Variants in DGKB observed in about 807,000 individuals in gnomAD.
DGKB encodes 90 kDa diacylglycerol kinase.
In DGKB, 67 loss-of-function variants were observed where a neutral mutation model predicts 114.3. The ratio of observed to expected loss-of-function variants is 0.59; its 90% CI spans 0.48 to 0.72. DGKB has a LOEUF of 0.72. Among genes scored for constraint, DGKB ranks in the 30% least tolerant of loss-of-function variants. DGKB has a pLI of 0.00. For missense variants in DGKB, 907 were observed against 975.2 expected (o/e 0.93, Z 0.93); for synonymous variants, 398 against 323.1 (o/e 1.23, Z -2.49).
intron 1 of DGKB, among the ~76,000 whole-genome samples, chr7:14,948,678 A>G (rs1359305481): frequency 1.3e-5 from 2 of 151,856 alleles, no homozygotes; most frequent in Non-Finnish European, 2.9e-5. Flanking sequence ...AGATATTTCC[A>G]ATCTACTACC....
chr7:14,673,161 G>T, intron 12 of DGKB, 134 bp from the exon 13 acceptor site: 1 of 563,842 alleles, frequency 1.8e-6, no homozygotes, highest in Non-Finnish European at 3.1e-6. Flanking sequence ...AATAAACAGA[G>T]TCATAAAGGA....
chr7:14,729,153 C>A (rs1235481384), intron 5 of DGKB, among the ~76,000 whole-genome samples: 1 of 116,632 alleles, frequency 8.6e-6, no homozygotes, highest in Non-Finnish European at 1.7e-5. Flanking sequence ...GATGGAGTCT[C>A]ACTCTGTTGC....
At chr7:14,162,908 CCCCTTTAT>C (rs749023828) in intron 25 of DGKB, among the ~76,000 whole-genome samples, 7 of 152,160 alleles carry the variant, frequency 4.6e-5, no homozygotes, top group Non-Finnish European at 8.8e-5. Context: ...TGATCCATTT[CCCCTTTAT>C]CCAGGTCGAT....
intron 14 of DGKB, among the ~76,000 whole-genome samples, chr7:14,626,694 C>G (rs552312891): frequency 6.6e-6 from 1 of 152,256 alleles, no homozygotes; most frequent in African/African-American, 2.4e-5. Flanking sequence ...ATGATGAAGG[C>G]TCTAAATCTA....
At position 14,206,708 on chromosome 7, in the gene DGKB, T is replaced by C. The variant is rs114717468; in HGVS notation, c.2123-28557A>G. On this transcript the variant is annotated intron_variant, in intron 23 of 25. Coordinates refer to ENST00000402815, the MANE Select transcript of DGKB (RefSeq NM_001350709.2). The stretch of plus-strand genomic sequence containing the variant: ...CTATACCCATAAAATAGGAATAGTG[T>C]CGTATATCCTGGTTGCCTCATTGGA... Among the ~76,000 whole-genome samples, 1,322 of 152,184 alleles carry C rather than the reference T, an allele frequency of 8.7e-3. 18 individuals are homozygous for C. Among genetic ancestry groups the C allele is most frequent in the African/African-American group, 0.031 (1,274 of 41,540 alleles).
intron 1 of DGKB, among the ~76,000 whole-genome samples, chr7:14,940,209 T>C (rs1186335348): frequency 1.3e-5 from 2 of 152,178 alleles, no homozygotes; most frequent in African/African-American, 4.8e-5. Context: ...TTATATGTAA[T>C]TATGAGTTGC....
intron 5 of DGKB, among the ~76,000 whole-genome samples, chr7:14,732,192 G>A (rs907633520): frequency 1.6e-5 from 1 of 61,240 alleles, no homozygotes; most frequent in Non-Finnish European, 4.2e-5. Flanking sequence ...TCAGTAGTGA[G>A]CATAATTTTT....
chr7:14,392,463 C>T (rs369479143), intron 21 of DGKB, among the ~76,000 whole-genome samples: 5 of 152,150 alleles, frequency 3.3e-5, no homozygotes, highest in East Asian at 1.9e-4. Context: ...GTGAATGGAA[C>T]GTACTATTTA....
intron 21 of DGKB, among the ~76,000 whole-genome samples, chr7:14,445,913 A>G (rs1830665648): frequency 6.6e-6 from 1 of 152,070 alleles, no homozygotes; most frequent in African/African-American, 2.4e-5. Context: ...ATGCTGTAGG[A>G]AATAACTAGA....
chr7:14,921,304 A>C (rs1324118408), intron 1 of DGKB, among the ~76,000 whole-genome samples: 2 of 152,296 alleles, frequency 1.3e-5, no homozygotes, highest in Non-Finnish European at 2.9e-5. Flanking sequence ...TAGGACACGA[A>C]TGCAAGATGT....
At chr7:14,389,841 C>T (rs950257549) in intron 21 of DGKB, among the ~76,000 whole-genome samples, 1 of 152,160 alleles carries the variant, frequency 6.6e-6, no homozygotes, top group Admixed American at 6.5e-5. Flanking sequence ...TTGGGACTAG[C>T]CTATAATCCT....
At position 14,786,618 on chromosome 7, in the gene DGKB, C is replaced by A. The variant is rs531103831; in HGVS notation, c.71-28887G>T. On this transcript the variant is annotated intron_variant, in intron 2 of 25. Coordinates refer to ENST00000402815, the MANE Select transcript of DGKB (RefSeq NM_001350709.2). ...GCTGCGGACACTGTGCTCAGAAGTA[C>A]CTGCTCTCACTGCCTGGCTTCTCCT... 3.9e-5 allele frequency among the ~76,000 whole-genome samples: 6 copies of A among 152,344 alleles called. No individual in the cohort carries two copies. The East Asian group carries it at 1.2e-3, about 29-fold the overall frequency.
chr7:14,973,718 C>G (rs1331646239), intron 1 of DGKB, among the ~76,000 whole-genome samples: 1 of 149,506 alleles, frequency 6.7e-6, no homozygotes, highest in Admixed American at 6.7e-5. Context: ...GTGACCATCT[C>G]TGAGATTACA....
At chr7:14,499,600 T>A (rs1440095047) in intron 20 of DGKB, among the ~76,000 whole-genome samples, 1 of 151,698 alleles carries the variant, frequency 6.6e-6, no homozygotes. Context: ...GCCTCACAGA[T>A]CATCTTGTTT....
At chr7:14,253,283 T>C (rs936592159) in intron 23 of DGKB, among the ~76,000 whole-genome samples, 1 of 152,124 alleles carries the variant, frequency 6.6e-6, no homozygotes, top group Non-Finnish European at 1.5e-5. Flanking sequence ...TCCGCCCGCC[T>C]CAGCCTCCTA....
At position 14,146,609 on chromosome 7, in the gene DGKB, A is replaced by C. The variant is rs1163792823; in HGVS notation, c.*2522T>G. 6.6e-6 allele frequency: 1 copy of C among 152,132 alleles called. No homozygotes were observed. Among genetic ancestry groups the C allele is most frequent in the Non-Finnish European group, 1.5e-5 (1 of 67,988 alleles). The allele number at this position is 152,132 out of a possible 1,614,324, so 9.4% of individuals were successfully genotyped here. ...AAAACTGATGAGAATATCTTCTCTG[A>C]TTTCAAACCCATCAAGTTACGTTTT... On this transcript the variant is annotated 3_prime_UTR_variant, in exon 26 of 26. Transcript: ENST00000402815.
At chr7:14,563,486 T>A (rs1388969002) in intron 20 of DGKB, among the ~76,000 whole-genome samples, 2 of 152,166 alleles carry the variant, frequency 1.3e-5, no homozygotes, top group African/African-American at 4.8e-5. Context: ...GTTCAATTAT[T>A]GTTTTCTTCC....
intron 23 of DGKB, among the ~76,000 whole-genome samples, chr7:14,221,531 A>C (rs980079185): frequency 1.3e-5 from 2 of 151,316 alleles, no homozygotes; most frequent in Non-Finnish European, 3.0e-5. Context: ...TCATTTGTTC[A>C]TGTTGTATAA....
At chr7:14,672,222 A>G (rs1237066890) in intron 13 of DGKB, among the ~76,000 whole-genome samples, 1 of 151,994 alleles carries the variant, frequency 6.6e-6, no homozygotes. Flanking sequence ...TTTAATTTCC[A>G]TGTTGTTTTT....
Sources: gnomAD v4.1 joint callset for allele counts (sites outside exome capture counted in the v4.1 genomes callset) on GRCh38, gnomAD v4.1.1 for gene constraint, MANE v1.5 for transcripts, NCBI Gene and HGNC (gene_info 2026-07-23, HGNC 2026-07-21) for gene names.